Variants in ZNF536 observed in about 807,000 individuals in gnomAD.
ZNF536 encodes the protein zinc finger protein 536.
In ZNF536, 13 loss-of-function variants were observed where a neutral mutation model predicts 84.5. The ratio of observed to expected loss-of-function variants is 0.15; its 90% CI spans 0.10 to 0.24. The LOEUF (loss-of-function observed/expected upper bound fraction) is 0.24. Among genes scored for constraint, ZNF536 ranks in the 10% least tolerant of loss-of-function variants. ZNF536 has a pLI of 1.00. For synonymous variants in ZNF536, 811 were observed against 742.5 expected (o/e 1.09, Z -1.50); for missense variants, 1,536 against 1,747.5 (o/e 0.88, Z 2.16).
At chr19:30,612,040 G>T (rs1057253339) in intron 1 of ZNF536, among the ~76,000 whole-genome samples, 1 of 152,186 alleles carries the variant, frequency 6.6e-6, no homozygotes, top group African/African-American at 2.4e-5. Flanking sequence ...ACACTGAAGT[G>T]AGGATGGGTC....
intron 2 of ZNF536, among the ~76,000 whole-genome samples, chr19:30,309,416 G>A (rs2046432840): frequency 6.6e-6 from 1 of 152,208 alleles, no homozygotes; most frequent in Non-Finnish European, 1.5e-5. Flanking sequence ...ATTGGACGTT[G>A]CCTCAGATAA....
At chr19:30,711,380 C>G (rs996662344) in exon 2 of ZNF536, 3 of 152,104 alleles carry the variant, frequency 2.0e-5, no homozygotes, top group African/African-American at 7.2e-5. Context: ...TTTAGTGTTG[C>G]GTTGAAGATG....
intron 2 of ZNF536, among the ~76,000 whole-genome samples, chr19:30,338,994 G>A (rs2146516133): frequency 6.6e-6 from 1 of 152,234 alleles, no homozygotes; most frequent in African/African-American, 2.4e-5. Context: ...TTCCCTCCAT[G>A]TCAGCTTGGT....
intron 2 of ZNF536, among the ~76,000 whole-genome samples, chr19:30,468,059 C>T (rs757293268): frequency 2.0e-5 from 3 of 152,174 alleles, no homozygotes; most frequent in Non-Finnish European, 4.4e-5. Flanking sequence ...ACCAGCGCCC[C>T]GTGAAAAATG....
At chr19:30,645,586 G>A (rs1280895190) in intron 1 of ZNF536, among the ~76,000 whole-genome samples, 1 of 152,182 alleles carries the variant, frequency 6.6e-6, no homozygotes, top group Non-Finnish European at 1.5e-5. Context: ...GGAAACTGTT[G>A]AAGTCACATT....
At chr19:30,662,962 C>CTTTTTTTT (rs951081577) in intron 1 of ZNF536, among the ~76,000 whole-genome samples, 2 of 78,770 alleles carry the variant, frequency 2.5e-5, no homozygotes, top group Admixed American at 1.4e-4. Flanking sequence ...TTTTTCGTTT[C>CTTTTTTTT]TTTTTTTTTT....
intron 1 of ZNF536, among the ~76,000 whole-genome samples, chr19:30,268,937 CG>C (rs1354134253): frequency 6.6e-6 from 1 of 152,086 alleles, no homozygotes; most frequent in Non-Finnish European, 1.5e-5. Context: ...AACCTGTTTG[CG>C]AATGGTTCTA....
At chr19:30,298,719 C>G (rs1227091672) in intron 2 of ZNF536, among the ~76,000 whole-genome samples, 1 of 152,174 alleles carries the variant, frequency 6.6e-6, no homozygotes, top group East Asian at 1.9e-4. Flanking sequence ...TGGGAAGGAA[C>G]CTGGGAATCT....
chr19:30,419,907 A>C (rs964040097), intron 1 of ZNF536, among the ~76,000 whole-genome samples: 3 of 152,218 alleles, frequency 2.0e-5, no homozygotes, highest in African/African-American at 7.2e-5. Context: ...GAGGAAAGGC[A>C]GCAAAGCAGG....
At chr19:30,671,992 G>C (rs1049238459) in intron 1 of ZNF536, among the ~76,000 whole-genome samples, 4 of 152,138 alleles carry the variant, frequency 2.6e-5, no homozygotes, top group African/African-American at 7.2e-5. Context: ...CGTGGTCACC[G>C]CCCTGGGACC....
At chr19:30,369,971 G>A (rs2048559068), upstream of ZNF536, among the ~76,000 whole-genome samples, 1 of 152,138 alleles carries the variant, frequency 6.6e-6, no homozygotes, top group South Asian at 2.1e-4. Flanking sequence ...GTCCACAGTG[G>A]GGGGATGGCC....
chr19:30,434,742 ATGG>A (rs75185028), intron 1 of ZNF536, among the ~76,000 whole-genome samples: 5,964 of 152,086 alleles, frequency 0.039, 181 homozygotes, highest in South Asian at 0.08. Context: ...GATAGTGATG[ATGG>A]TGGTGATATT....
chr19:30,534,315 C>A (rs1475331739), intron 2 of ZNF536, among the ~76,000 whole-genome samples: 1 of 152,184 alleles, frequency 6.6e-6, no homozygotes, highest in African/African-American at 2.4e-5. Flanking sequence ...GTGATGGATA[C>A]AAGACTCTAC....
chr19:30,637,355 C>T (rs1480730377), intron 1 of ZNF536, among the ~76,000 whole-genome samples: 1 of 152,212 alleles, frequency 6.6e-6, no homozygotes, highest in Non-Finnish European at 1.5e-5. Context: ...AGTCCATCAA[C>T]TGGGATTGAA....
At chr19:30,565,759 A>T (rs2046326940) in intron 1 of ZNF536, among the ~76,000 whole-genome samples, 2 of 152,012 alleles carry the variant, frequency 1.3e-5, no homozygotes. Flanking sequence ...CTACTCTTCC[A>T]GCGCCTCAGG....
At chr19:30,439,096 A>G (rs1206227717) in intron 1 of ZNF536, among the ~76,000 whole-genome samples, 3 of 152,088 alleles carry the variant, frequency 2.0e-5, no homozygotes, top group Non-Finnish European at 2.9e-5. Flanking sequence ...AGGCATTTGT[A>G]TACATTTCTA....
At chr19:30,628,585 C>T (rs574424864) in intron 1 of ZNF536, among the ~76,000 whole-genome samples, 16 of 152,224 alleles carry the variant, frequency 1.1e-4, no homozygotes, top group African/African-American at 2.2e-4. Flanking sequence ...CCCGCCACCA[C>T]GCCTGGCTAA....
intron 1 of ZNF536, among the ~76,000 whole-genome samples, chr19:30,434,615 A>T (rs1266623469): frequency 6.6e-6 from 1 of 152,248 alleles, no homozygotes; most frequent in African/African-American, 2.4e-5. Flanking sequence ...TATAAGGCTA[A>T]CATGAGACAA....
chr19:30,447,213 C>T (rs1568441493), intron 2 of ZNF536, among the ~76,000 whole-genome samples: 1 of 152,210 alleles, frequency 6.6e-6, no homozygotes, highest in Non-Finnish European at 1.5e-5. Flanking sequence ...CCCCCACCCT[C>T]ACTCTTTGGT....
Sources: gnomAD v4.1 joint callset for allele counts (sites outside exome capture counted in the v4.1 genomes callset) on GRCh38, gnomAD v4.1.1 for gene constraint, MANE v1.5 for transcripts, NCBI Gene and HGNC (gene_info 2026-07-23, HGNC 2026-07-21) for gene names.